CYFIP1: variants seen among roughly 807,000 people sequenced by gnomAD.
The protein encoded by CYFIP1 is cytoplasmic FMR1-interacting protein 1.
CYFIP1 carries 58 observed loss-of-function variants against 163.5 expected under a neutral mutation model. The observed-to-expected ratio is 0.35, with a 90% CI of 0.29 to 0.44. The LOEUF is 0.44. CYFIP1 is among the 20% of genes least tolerant of loss of function. CYFIP1 has a pLI of 1.00. For missense variants in CYFIP1, 1,338 were observed against 1,653.8 expected (o/e 0.81, Z 3.31); for synonymous variants, 663 against 660.7 (o/e 1.00, Z -0.05).
intron 30 of CYFIP1, among the ~76,000 whole-genome samples, chr15:22,871,279 A>G (rs1158357860): frequency 6.6e-6 from 1 of 152,252 alleles, no homozygotes; most frequent in Non-Finnish European, 1.5e-5. Flanking sequence ...AAACACACAG[A>G]ATATAGAATA....
At chr15:22,886,262 G>T (rs1595517325) in intron 23 of CYFIP1, among the ~76,000 whole-genome samples, 1 of 152,120 alleles carries the variant, frequency 6.6e-6, no homozygotes, top group Non-Finnish European at 1.5e-5. Flanking sequence ...TTTGGGTGTG[G>T]ACATAGAGCC....
At chr15:22,929,052 C>G (rs2061448914) in intron 11 of CYFIP1, among the ~76,000 whole-genome samples, 1 of 151,862 alleles carries the variant, frequency 6.6e-6, no homozygotes, top group African/African-American at 2.4e-5. Flanking sequence ...AACCCCATCT[C>G]TACCAAAAAT....
At chr15:22,959,580 C>T (rs1156956744) in intron 1 of CYFIP1, among the ~76,000 whole-genome samples, 2 of 152,204 alleles carry the variant, frequency 1.3e-5, no homozygotes, top group African/African-American at 4.8e-5. Flanking sequence ...AGCATGACCT[C>T]GGGCGCTTGA....
At position 22,869,498 on chromosome 15, in the gene CYFIP1, G is replaced by C. The variant is rs11636154; in HGVS notation, c.*530C>G. The stretch of plus-strand genomic sequence containing the variant: ...ATTAGTTTTATTTCTATAACCTTTC[G>C]ATCTGATGTCACGTTAGATTTTGTC... On this transcript the variant is annotated 3_prime_UTR_variant, in exon 31 of 31. Transcript: ENST00000617928. 1.3e-5 allele frequency: 2 copies of C among 152,216 alleles called. No homozygotes were observed. The highest frequency in any genetic ancestry group is 3.8e-4 in the East Asian group (2 of 5,202). The allele number at this position is 152,216 out of a possible 1,614,324, so 9.4% of individuals were successfully genotyped here.
In CYFIP1 at chr15:22,912,134, T is replaced by C. The variant is rs565085464; in HGVS notation, c.2082+45A>G. ...GGAGAAAACAAAAAGAGAAAGGAGA[T>C]TTAATTGAAGGAAATGAACAGAAAT... On this transcript the variant is annotated intron_variant, in intron 18 of 30. Transcript: ENST00000617928. 2.0e-6 allele frequency: 3 copies of C among 1,501,460 alleles called. No individual in the cohort carries two copies. In the South Asian group the frequency reaches 3.5e-5, roughly 18 times the overall value. 93.0% of individuals were successfully genotyped at this position (1,501,460 alleles called of 1,614,324 possible).
chr15:22,944,238 C>CAAAAAAAAAA (rs34662161), intron 5 of CYFIP1, among the ~76,000 whole-genome samples: 2 of 94,968 alleles, frequency 2.1e-5, no homozygotes, highest in African/African-American at 4.2e-5. Context: ...GACTCTGTCT[C>CAAAAAAAAAA]AAAAAAAAAA....
At position 22,872,977 on chromosome 15, in the gene CYFIP1, G is replaced by A. The variant is rs1317327977; in HGVS notation, c.3450-5C>T. 9 of 1,612,966 alleles carry A rather than the reference G, an allele frequency of 5.6e-6. No individual in the cohort carries two copies. Among genetic ancestry groups the A allele is most frequent in the Admixed American group, 1.7e-5 (1 of 59,770 alleles). On this transcript the variant is annotated splice_polypyrimidine_tract_variant and splice_region_variant and intron_variant, in intron 29 of 30. Coordinates refer to ENST00000617928, the MANE Select transcript of CYFIP1 (RefSeq NM_014608.6). ...AGCCCATCACCAAAGCACTGCCTAGGAACAAGAAGCAGAAACAGAATGGGA... is the reference window on the plus strand; with the variant it reads ...AGCCCATCACCAAAGCACTGCCTAGAAACAAGAAGCAGAAACAGAATGGGA...
chr15:22,879,009 G>A (rs1455789960), intron 26 of CYFIP1, among the ~76,000 whole-genome samples: 1 of 152,116 alleles, frequency 6.6e-6, no homozygotes, highest in African/African-American at 2.4e-5. Context: ...GGTGGTGGGC[G>A]CCTGTAGTCC....
intron 1 of CYFIP1, among the ~76,000 whole-genome samples, chr15:22,963,495 ATAACATAAC>A (rs2062761156): frequency 6.5e-5 from 1 of 15,402 alleles, no homozygotes; most frequent in Non-Finnish European, 1.4e-4. Context: ...TGTTTCAAAA[ATAACATAAC>A]ATAACATAAC....
At position 22,917,553 on chromosome 15, in the gene CYFIP1, G is replaced by A; in HGVS notation, c.1674+235C>T. ...TTTTTGGGATGGGAGTTGAAATGGAGTCAGACTCCTTTTTAGTGCACATGA... is the reference window on the plus strand; with the variant it reads ...TTTTTGGGATGGGAGTTGAAATGGAATCAGACTCCTTTTTAGTGCACATGA... On this transcript the variant is annotated intron_variant, in intron 15 of 30. Coordinates refer to ENST00000617928, the MANE Select transcript of CYFIP1 (RefSeq NM_014608.6). This position sits in a 1 kb window ranked among gnomAD's most constrained non-coding sequence, Gnocchi z 4.2. The A allele has an allele frequency of 1.7e-6, 1 of 571,586 alleles. No homozygotes were observed. The highest frequency in any genetic ancestry group is 2.9e-6 in the Non-Finnish European group (1 of 342,420). 35.4% of individuals were successfully genotyped at this position (571,586 alleles called of 1,614,324 possible).
At chr15:22,947,375 T>TA (rs2140118211) in intron 1 of CYFIP1, 84 bp from the exon 2 acceptor site, 1 of 1,554,636 alleles carries the variant, frequency 6.4e-7, no homozygotes, top group Non-Finnish European at 8.7e-7. Flanking sequence ...CCCAGGCCTC[T>TA]AACCCCTTCC....
At chr15:22,941,072 T>C (rs971819720) in intron 6 of CYFIP1, among the ~76,000 whole-genome samples, 1 of 152,104 alleles carries the variant, frequency 6.6e-6, no homozygotes, top group African/African-American at 2.4e-5. Context: ...TTTTTTTAAA[T>C]AGACACAGGG....
At chr15:22,938,864 C>T (rs1156959699) in intron 8 of CYFIP1, among the ~76,000 whole-genome samples, 1 of 148,232 alleles carries the variant, frequency 6.7e-6, no homozygotes, top group East Asian at 2.0e-4. Context: ...GATTGTGCCA[C>T]TGCACTCCAG....
In CYFIP1 at chr15:22,954,283, T is replaced by A. The variant is rs541437767; in HGVS notation, c.-6-6992A>T. Reference sequence around the variant, plus strand: ...GATCTCAGACTCCCAGCTCCAGAACTGAGAGAAAGAAATTCCTGCCTGATC... The same window carrying A: ...GATCTCAGACTCCCAGCTCCAGAACAGAGAGAAAGAAATTCCTGCCTGATC... On this transcript the variant is annotated intron_variant, in intron 1 of 30. Coordinates refer to ENST00000617928, the MANE Select transcript of CYFIP1 (RefSeq NM_014608.6). 3.3e-4 allele frequency among the ~76,000 whole-genome samples: 50 copies of A among 152,126 alleles called. 3 individuals are homozygous for A. The South Asian group carries it at 9.1e-3, about 28-fold the overall frequency.
At chr15:22,920,141 G>A (rs2061123540) in intron 13 of CYFIP1, among the ~76,000 whole-genome samples, 2 of 144,256 alleles carry the variant, frequency 1.4e-5, no homozygotes, top group South Asian at 4.5e-4. Flanking sequence ...GTATTTGACA[G>A]ATTCAAAATT....
intron 1 of CYFIP1, among the ~76,000 whole-genome samples, chr15:22,956,845 G>C (rs951613044): frequency 6.6e-6 from 1 of 152,246 alleles, no homozygotes; most frequent in Non-Finnish European, 1.5e-5. Flanking sequence ...GCCCGCTCCA[G>C]CCAGCCCCTG....
chr15:22,919,517 T>C (rs1310222652), intron 13 of CYFIP1, among the ~76,000 whole-genome samples: 1 of 152,208 alleles, frequency 6.6e-6, no homozygotes, highest in Non-Finnish European at 1.5e-5. Flanking sequence ...GCCAACTTCA[T>C]GATAGCTATG....
At chr15:22,979,226 A>C (rs1252085760) in intron 1 of CYFIP1, among the ~76,000 whole-genome samples, 1 of 152,092 alleles carries the variant, frequency 6.6e-6, no homozygotes, top group Non-Finnish European at 1.5e-5. Flanking sequence ...GCAGATCTAG[A>C]CATCACTTGG....
At chr15:22,922,998 G>GA (rs143228716) in intron 13 of CYFIP1, among the ~76,000 whole-genome samples, 66 of 133,994 alleles carry the variant, frequency 4.9e-4, no homozygotes, top group Admixed American at 9.0e-4. Context: ...TCTCAAAAAA[G>GA]AAAAAAAAAA....
Sources: gnomAD v4.1 joint callset for allele counts (sites outside exome capture counted in the v4.1 genomes callset) on GRCh38, gnomAD v4.1.1 for gene constraint, Gnocchi (gnomAD v3.1) non-coding constraint, MANE v1.5 for transcripts, NCBI Gene and HGNC (gene_info 2026-07-23, HGNC 2026-07-21) for gene names.